Variants in STAG1 observed in about 807,000 individuals in gnomAD.
STAG1 encodes STAG1 cohesin complex component.
A neutral mutation model predicts 170.9 loss-of-function variants in STAG1; 26 were observed. The ratio of observed to expected loss-of-function variants is 0.15; its 90% CI spans 0.11 to 0.21. The LOEUF (loss-of-function observed/expected upper bound fraction) is 0.21. Ranked by LOEUF, STAG1 falls within the 10% of genes least tolerant of loss-of-function variation. The pLI, the probability that STAG1 is intolerant of heterozygous loss-of-function variation, is 1.00. For missense variants in STAG1, 964 were observed against 1,509.5 expected, an observed-to-expected ratio of 0.64 and a Z score of 5.99; for synonymous variants, 514 against 497.7, an observed-to-expected ratio of 1.03 and a Z score of -0.44.
intron 13 of STAG1, among the ~76,000 whole-genome samples, chr3:136,461,604 A>G (rs920929812): frequency 9.2e-5 from 14 of 151,736 alleles, no homozygotes; most frequent in Admixed American, 2.0e-4. Flanking sequence ...AAAAAAAAAA[A>G]AGAGAAAGAA....
intron 1 of STAG1, among the ~76,000 whole-genome samples, chr3:136,723,608 G>C (rs1933450186): frequency 6.6e-6 from 1 of 150,778 alleles, no homozygotes; most frequent in Non-Finnish European, 1.5e-5. Context: ...GAGGGAGGTG[G>C]GGGGATCAGC....
At position 136,415,849 on chromosome 3, in the gene STAG1, A is replaced by T. The variant is rs960432961; in HGVS notation, c.2196+2036T>A. Among the ~76,000 whole-genome samples, 7 of 152,190 alleles carry T rather than the reference A, an allele frequency of 4.6e-5. 1 individual carries two copies. The East Asian group carries it at 9.6e-4, about 21-fold the overall frequency. On this transcript the variant is annotated intron_variant, in intron 21 of 33. Coordinates refer to ENST00000383202, the MANE Select transcript of STAG1 (RefSeq NM_005862.3). ...ACAAACAAACAAAAAAGAAGTGGTT[A>T]AATACAGAATTTCTGTATTTTCAAC...
chr3:136,416,430 A>C (rs1318088101), intron 21 of STAG1, among the ~76,000 whole-genome samples: 2 of 152,226 alleles, frequency 1.3e-5, no homozygotes, highest in Admixed American at 6.5e-5. Context: ...AGACGACAAC[A>C]CTGTGAAGCT....
intron 26 of STAG1, among the ~76,000 whole-genome samples, chr3:136,361,701 C>T (rs1441843853): frequency 6.6e-6 from 1 of 152,110 alleles, no homozygotes; most frequent in Non-Finnish European, 1.5e-5. Flanking sequence ...GCTTGGACCT[C>T]CCAGGCTCAA....
chr3:136,568,381 C>A (rs747058893), intron 5 of STAG1, among the ~76,000 whole-genome samples: 1 of 151,964 alleles, frequency 6.6e-6, no homozygotes, highest in African/African-American at 2.4e-5. Context: ...AAAATGAGTA[C>A]GAAATACTGG....
rs62726661 is a variant in STAG1, at chr3:136,561,817, ATT to A, written c.394+6946_394+6947del. Among the ~76,000 whole-genome samples, 340 of 146,994 alleles carry A rather than the reference ATT, an allele frequency of 2.3e-3. 3 individuals are homozygous for A. The highest frequency in any genetic ancestry group is 0.015 in the South Asian group (69 of 4,660). ...ATGACGCTGGCTTTGGGGTTAAAAC[ATT>A]TTTTTTTTTTTTCATTTTTGTACTT... is the stretch of plus-strand genomic sequence containing the variant. On this transcript the variant is annotated intron_variant, in intron 5 of 33. Coordinates refer to ENST00000383202, the MANE Select transcript of STAG1 (RefSeq NM_005862.3).
intron 22 of STAG1, among the ~76,000 whole-genome samples, chr3:136,395,561 C>T (rs2087125718): frequency 6.6e-6 from 1 of 152,090 alleles, no homozygotes; most frequent in Admixed American, 6.6e-5. Flanking sequence ...GTAGAGGTTG[C>T]AGTGAGTCAA....
At chr3:136,509,851 C>A (rs578062861) in intron 7 of STAG1, among the ~76,000 whole-genome samples, 3 of 152,132 alleles carry the variant, frequency 2.0e-5, no homozygotes, top group South Asian at 4.2e-4. Flanking sequence ...TTTAGTGATA[C>A]CTATTATACC....
At chr3:136,725,701 G>A (rs1210536698) in intron 1 of STAG1, among the ~76,000 whole-genome samples, 1 of 152,142 alleles carries the variant, frequency 6.6e-6, no homozygotes, top group East Asian at 1.9e-4. Flanking sequence ...ATATCCCTGA[G>A]AACAGATAAG....
At chr3:136,704,240 A>G (rs1452194359) in intron 1 of STAG1, among the ~76,000 whole-genome samples, 2 of 151,366 alleles carry the variant, frequency 1.3e-5, no homozygotes, top group East Asian at 4.1e-4. Context: ...TAGTAGAGAC[A>G]GTATTTCACC....
Position 136,423,076 on chromosome 3 carries a change from T to C in STAG1, c.1651-32A>G, listed in dbSNP as rs371726223. 4.4e-4 allele frequency: 629 copies of C among 1,437,196 alleles called. 1 individual carries two copies. The highest frequency in any genetic ancestry group is 5.4e-4 in the Non-Finnish European group (561 of 1,045,700). 89.0% of individuals were successfully genotyped at this position (1,437,196 alleles called of 1,614,324 possible). The stretch of plus-strand genomic sequence containing the variant: ...ACAAAATCGGAAAAGAAGAAGAGTA[T>C]TGTGTTAAATTATAAATCCAAACTG... On this transcript the variant is annotated intron_variant, in intron 16 of 33. Coordinates refer to ENST00000383202, the MANE Select transcript of STAG1 (RefSeq NM_005862.3).
intron 16 of STAG1, among the ~76,000 whole-genome samples, chr3:136,423,399 C>A (rs183266531): frequency 6.6e-6 from 1 of 152,162 alleles, no homozygotes; most frequent in East Asian, 1.9e-4. Context: ...TATACACACA[C>A]TTTTTAAAGT....
intron 22 of STAG1, among the ~76,000 whole-genome samples, chr3:136,393,976 A>T (rs1267234028): frequency 6.6e-6 from 1 of 152,076 alleles, no homozygotes; most frequent in Non-Finnish European, 1.5e-5. Context: ...ATCTTGGCTC[A>T]CTGCAACCTC....
chr3:136,522,987 G>C (rs1934767214), intron 6 of STAG1, among the ~76,000 whole-genome samples: 1 of 152,072 alleles, frequency 6.6e-6, no homozygotes, highest in Non-Finnish European at 1.5e-5. Flanking sequence ...ATGTGGGTTG[G>C]TTCTAAGTCT....
At chr3:136,514,854 T>C (rs190669265) in intron 7 of STAG1, among the ~76,000 whole-genome samples, 28 of 152,126 alleles carry the variant, frequency 1.8e-4, no homozygotes, top group Admixed American at 7.2e-4. Flanking sequence ...TAGGTGGGAA[T>C]TGAACACTGA....
chr3:136,551,619 T>C (rs1936409223), intron 5 of STAG1, among the ~76,000 whole-genome samples: 2 of 149,534 alleles, frequency 1.3e-5, no homozygotes, highest in African/African-American at 2.5e-5. Context: ...CTATTCTCAG[T>C]ATTTTTTTTT....
chr3:136,548,350 G>A (rs896987835), intron 5 of STAG1, among the ~76,000 whole-genome samples: 9 of 152,140 alleles, frequency 5.9e-5, no homozygotes, highest in African/African-American at 1.7e-4. Context: ...ATGGGCTCAA[G>A]TGATTTGCCT....
chr3:136,617,227 C>G (rs1212184213), intron 3 of STAG1, among the ~76,000 whole-genome samples: 6 of 152,230 alleles, frequency 3.9e-5, no homozygotes, highest in Non-Finnish European at 7.3e-5. Flanking sequence ...TTTCCAGCCT[C>G]TGCTGAGTCC....
chr3:136,454,681 G>T (rs2089054708), intron 13 of STAG1, among the ~76,000 whole-genome samples: 1 of 152,128 alleles, frequency 6.6e-6, no homozygotes, highest in African/African-American at 2.4e-5. Context: ...TGCCCAGTTT[G>T]TGCCAATTTA....
Sources: allele counts gnomAD v4.1 joint callset (sites outside exome capture counted in the v4.1 genomes callset), GRCh38; gene constraint gnomAD v4.1.1; transcripts MANE v1.5; gene names NCBI Gene and HGNC (gene_info 2026-07-23, HGNC 2026-07-21).